The following SLIT2 variants were observed in gnomAD, a reference collection of about 807,000 sequenced individuals.
The protein encoded by SLIT2 is slit homolog 2 protein.
Under a neutral mutation model 185.7 loss-of-function variants are expected in SLIT2, and 41 were observed. That is an observed-to-expected ratio of 0.22 (90% CI 0.17 to 0.29). SLIT2 has a LOEUF of 0.29. Among genes scored for constraint, SLIT2 ranks in the 10% least tolerant of loss-of-function variants. The pLI is 1.00. For synonymous variants in SLIT2, 693 were observed against 680.2 expected (o/e 1.02, Z -0.29); for missense variants, 1,571 against 1,909.0 (o/e 0.82, Z 3.30).
At chr4:20,559,881 A>G (rs1577925802) in intron 26 of SLIT2, among the ~76,000 whole-genome samples, 1 of 152,042 alleles carries the variant, frequency 6.6e-6, no homozygotes, top group East Asian at 1.9e-4. Flanking sequence ...TATTATTGAA[A>G]CATACTTAGA....
intron 18 of SLIT2, among the ~76,000 whole-genome samples, chr4:20,536,558 C>CAAAAAAAAAA (rs35710842): frequency 6.6e-5 from 5 of 75,830 alleles, no homozygotes; most frequent in African/African-American, 1.0e-4. Flanking sequence ...AACTCTGTCG[C>CAAAAAAAAAA]AAAAAAAAAA....
At chr4:20,584,059 ACTC>A (rs1726835237) in intron 29 of SLIT2, among the ~76,000 whole-genome samples, 1 of 151,706 alleles carries the variant, frequency 6.6e-6, no homozygotes, top group African/African-American at 2.4e-5. Flanking sequence ...TAAGTGTGAT[ACTC>A]CCTCTGGTAA....
chr4:20,565,407 G>A (rs1390676594), intron 26 of SLIT2, among the ~76,000 whole-genome samples: 1 of 151,848 alleles, frequency 6.6e-6, no homozygotes, highest in Non-Finnish European at 1.5e-5. Flanking sequence ...CTTTCCTCTT[G>A]CTGACTCATA....
intron 4 of SLIT2, among the ~76,000 whole-genome samples, chr4:20,454,642 A>G (rs1712854819): frequency 6.6e-6 from 1 of 152,232 alleles, no homozygotes; most frequent in Non-Finnish European, 1.5e-5. Flanking sequence ...AATTAAATTT[A>G]CAGGCAGGTT....
intron 4 of SLIT2, among the ~76,000 whole-genome samples, chr4:20,335,614 G>C (rs891637644): frequency 6.6e-6 from 1 of 152,070 alleles, no homozygotes; most frequent in Non-Finnish European, 1.5e-5. Context: ...CAATTCAGGA[G>C]TCAAGGAACC....
chr4:20,300,086 G>T (rs1009570891), intron 4 of SLIT2, among the ~76,000 whole-genome samples: 1 of 151,956 alleles, frequency 6.6e-6, no homozygotes, highest in Admixed American at 6.6e-5. Flanking sequence ...TTTATGGTTA[G>T]ATTAATAAAC....
At chr4:20,416,679 A>G (rs1262639839) in intron 4 of SLIT2, among the ~76,000 whole-genome samples, 4 of 152,176 alleles carry the variant, frequency 2.6e-5, no homozygotes, top group Non-Finnish European at 5.9e-5. Context: ...TGTGCTTTTT[A>G]AAAGACTATA....
chr4:20,396,029 C>A (rs1438698498), intron 4 of SLIT2, among the ~76,000 whole-genome samples: 3 of 151,702 alleles, frequency 2.0e-5, no homozygotes, highest in Non-Finnish European at 2.9e-5. Flanking sequence ...AAAAGTACCC[C>A]CCCAAACTAC....
chr4:20,509,667 AG>A (rs916361501), intron 9 of SLIT2, among the ~76,000 whole-genome samples: 9 of 152,284 alleles, frequency 5.9e-5, no homozygotes, highest in African/African-American at 2.2e-4. Flanking sequence ...GAGTGAAAGG[AG>A]GCTGAGAAGC....
At chr4:20,303,335 A>G (rs962827365) in intron 4 of SLIT2, among the ~76,000 whole-genome samples, 5 of 151,990 alleles carry the variant, frequency 3.3e-5, no homozygotes, top group Non-Finnish European at 1.5e-5. Flanking sequence ...TTATATTTAT[A>G]TTTTACTTGT....
chr4:20,424,130 T>C (rs1728372312), intron 4 of SLIT2, among the ~76,000 whole-genome samples: 1 of 152,154 alleles, frequency 6.6e-6, no homozygotes, highest in Non-Finnish European at 1.5e-5. Context: ...AATGTTTTTA[T>C]TGGCACACTT....
chr4:20,584,125 A>C (rs1033752211), intron 29 of SLIT2, among the ~76,000 whole-genome samples: 24 of 152,270 alleles, frequency 1.6e-4, no homozygotes, highest in Admixed American at 7.2e-4. Context: ...TTTATTGAAA[A>C]AAAGGGATTT....
Position 20,472,505 on chromosome 4 carries a change from TATATAG to T in SLIT2, c.467+4686_467+4691del, listed in dbSNP as rs1483636643. On this transcript the variant is annotated intron_variant, in intron 5 of 36. Transcript: ENST00000504154. ...ATATCTATATATAGATATATATCTA[TATATAG>T]ATAGATATATATCTATATATAGATA... Among the ~76,000 whole-genome samples, 195 of 28,022 alleles carry T rather than the reference TATATAG, an allele frequency of 7.0e-3. 22 individuals carry two copies. Among genetic ancestry groups the T allele is most frequent in the East Asian group, 0.026 (9 of 344 alleles). 18.4% of individuals were successfully genotyped at this position (28,022 alleles called of 152,430 possible). A position where few individuals can be genotyped will look rare whatever the true frequency, so the allele number is the denominator to read the frequency against.
At chr4:20,478,767 T>C (rs547768375) in intron 5 of SLIT2, among the ~76,000 whole-genome samples, 1 of 152,212 alleles carries the variant, frequency 6.6e-6, no homozygotes, top group Non-Finnish European at 1.5e-5. Context: ...ATTGTACTAA[T>C]TTAAATGGCT....
At position 20,589,646 on chromosome 4, in the gene SLIT2, G is replaced by A; in HGVS notation, c.3091G>A (p.Glu1031Lys). 1 of 1,613,366 alleles carries A rather than the reference G, an allele frequency of 6.2e-7. No individual in the cohort carries two copies. The highest frequency in any genetic ancestry group is 8.5e-7 in the Non-Finnish European group (1 of 1,179,450). Residue 1031 changes from glutamate (E) to lysine (K), a missense_variant and splice_region_variant, in exon 30 of 37, where the codon GAG becomes AAG. Physicochemically the swap from Glu to Lys is moderately conservative, Grantham distance 56. This residue lies in a region of SLIT2 where 1,202 missense variants were observed against 1,416.4 expected (regional missense o/e 0.85). Transcript: ENST00000504154. ...TCLCPPEYTG[E>K]LCEEKLDFCA... Reference sequence around the variant, plus strand: ...TAACACTGTTTGCCCTGTTGCAGGTGAGTTGTGTGAGGAGAAGCTGGACTT... The same window carrying A: ...TAACACTGTTTGCCCTGTTGCAGGTAAGTTGTGTGAGGAGAAGCTGGACTT...
Position 20,546,055 on chromosome 4 carries a change from A to G in SLIT2, c.2301A>G (p.Thr767=). 2.5e-6 allele frequency: 4 copies of G among 1,586,026 alleles called. No individual in the cohort carries two copies. Among genetic ancestry groups the G allele is most frequent in the South Asian group, 1.1e-5 (1 of 87,056 alleles). Residue 767 remains threonine, a synonymous_variant, in exon 22 of 37, where the codon ACA becomes ACG. Coordinates refer to ENST00000504154, the MANE Select transcript of SLIT2 (RefSeq NM_004787.4). ...TELYLDGNQF[T]LVPKELSNYK... ...GGTATCTGGATGGAAACCAATTTAC[A>G]CTGGTTCCCAAGGAACTCTCCAACT...
intron 14 of SLIT2, among the ~76,000 whole-genome samples, chr4:20,524,399 A>G (rs2148850078): frequency 6.6e-6 from 1 of 152,352 alleles, no homozygotes; most frequent in East Asian, 1.9e-4. Flanking sequence ...TAGGCAATTG[A>G]CCAAGTTAAA....
chr4:20,509,711 A>G (rs1415097720), intron 9 of SLIT2, among the ~76,000 whole-genome samples: 2 of 152,200 alleles, frequency 1.3e-5, no homozygotes, highest in African/African-American at 2.4e-5. Flanking sequence ...ATATGTACCA[A>G]AAGACTTCAT....
At position 20,617,104 on chromosome 4, in the gene SLIT2, C is replaced by T; in HGVS notation, c.4042C>T (p.Pro1348Ser). The T allele has an allele frequency of 6.2e-7, 1 of 1,612,194 alleles. No individual in the cohort carries two copies. The highest frequency in any genetic ancestry group is 8.5e-7 in the Non-Finnish European group (1 of 1,178,320). Residue 1348 changes from proline to serine, a missense_variant, in exon 35 of 37, where the codon CCC (proline) becomes TCC (serine). Around this residue, in one of 3 missense-constraint regions of SLIT2, gnomAD observed 223 missense variants for 245.2 expected, o/e 0.91. Coordinates refer to ENST00000504154, the MANE Select transcript of SLIT2 (RefSeq NM_004787.4). Reference protein sequence around the residue: ...KKVCAHGTCQPSSQAGFTCEC... With the variant: ...KKVCAHGTCQSSSQAGFTCEC... ...GGTGTGTGCCCATGGCACATGCCAGCCCAGCAGCCAGGCAGGCTTCACCTG... is the reference window on the plus strand; with the variant it reads ...GGTGTGTGCCCATGGCACATGCCAGTCCAGCAGCCAGGCAGGCTTCACCTG...
Sources: allele counts gnomAD v4.1 joint callset (sites outside exome capture counted in the v4.1 genomes callset), GRCh38; gene constraint gnomAD v4.1.1; regional missense constraint gnomAD v4.1.1; transcripts MANE v1.5; gene names NCBI Gene and HGNC (gene_info 2026-07-23, HGNC 2026-07-21).